TFE3: variants seen among roughly 807,000 people sequenced by gnomAD.
TFE3 encodes transcription factor binding to IGHM enhancer 3.
TFE3 carries 5 observed loss-of-function variants against 35.0 expected under a neutral mutation model. The observed-to-expected ratio is 0.14, with a 90% CI of 0.07 to 0.30. The LOEUF is 0.30. Among genes scored for constraint, TFE3 ranks in the 10% least tolerant of loss-of-function variants. TFE3 has a pLI of 1.00. For missense variants in TFE3, 374 were observed against 496.6 expected (o/e 0.75, Z 2.35); for synonymous variants, 211 against 215.6 (o/e 0.98, Z 0.18).
intron 5 of TFE3, among the ~76,000 whole-genome samples, chrX:49,035,411 TTTTTTTTTTTTTG>T (rs1203718758): frequency 2.5e-4 from 2 of 7,859 alleles, no homozygotes; most frequent in African/African-American, 3.2e-4. Flanking sequence ...TTTTTTTTTT[TTTTTTTTTTTTTG>T]GAGACGGAGT....
Position 49,029,505 on chromosome X carries a change from A to C in TFE3, c.*653T>G. ...TCCTACTGATTCTTTCACACCTGAA[A>C]TACCTGTGCTGGGCTGTTCCTATAG... On this transcript the variant is annotated 3_prime_UTR_variant, in exon 10 of 10. Transcript: ENST00000315869. 3.7e-6 allele frequency: 1 copy of C among 273,314 alleles called. No homozygotes were observed. Among genetic ancestry groups the C allele is most frequent in the Non-Finnish European group, 6.9e-6 (1 of 145,795 alleles). The allele number at this position is 273,314 out of a possible 1,213,427, so 22.5% of individuals were successfully genotyped here. A position where few individuals can be genotyped will look rare whatever the true frequency, so the allele number is the denominator to read the frequency against.
chrX:49,041,359 C>T (rs923765481), intron 1 of TFE3, among the ~76,000 whole-genome samples: 3 of 111,916 alleles, frequency 2.7e-5, no homozygotes, highest in African/African-American at 9.8e-5. Context: ...GAATGCATCA[C>T]AAAGAGAACT....
rs1557075075 is a variant in TFE3, at chrX:49,038,200, C to T, written c.777G>A (p.Lys259=). 8.3e-7 allele frequency: 1 copy of T among 1,210,579 alleles called. No homozygotes were observed. The highest frequency in any genetic ancestry group is 1.1e-6 in the Non-Finnish European group (1 of 895,396). Reference sequence around the variant, plus strand: ...AGGTTTGGCTGTAGCCTCTTACCTCCTTCTCTGAGCTGGACCCGATGGTGA... The same window carrying T: ...AGGTTTGGCTGTAGCCTCTTACCTCTTTCTCTGAGCTGGACCCGATGGTGA... ...ALLTIGSSSE[K]EIDDVIDEII... is the part of the protein sequence containing the mutation. Residue 259 remains lysine, a synonymous_variant, in exon 4 of 10, where the codon AAG becomes AAA. Transcript: ENST00000315869.
rs782256627 is a variant in TFE3 at position 49,030,446 on chromosome X, C to A, written c.1440G>T (p.Gly480=). The A allele has an allele frequency of 8.3e-7, 1 of 1,211,681 alleles. No homozygotes were observed. Among genetic ancestry groups the A allele is most frequent in the Non-Finnish European group, 1.1e-6 (1 of 895,474 alleles). The stretch of plus-strand genomic sequence containing the variant: ...GGGGAGCATTCTGGGCAGGTCCCCC[C>A]CCTACATGGAACGTTGCTGCGCCTG... The part of the protein sequence containing the change: ...GRPGAATFHV[G]GGPAQNAPHQ... Residue 480 remains glycine (G), a synonymous_variant, in exon 10 of 10, where the codon GGG becomes GGT. Coordinates refer to ENST00000315869, the MANE Select transcript of TFE3 (RefSeq NM_006521.6).
chrX:49,039,613 G>A, intron 2 of TFE3: 2 of 394,230 alleles, frequency 5.1e-6, no homozygotes, highest in Non-Finnish European at 8.4e-6. Context: ...CACACTGGAG[G>A]TCAGTCTGGT....
chrX:49,038,018 G>A lies in TFE3; in HGVS notation c.877C>T (p.Pro293Ser), dbSNP rs2147775625. ...CCATCTCAGGGCCTCACCGTGCTGGGGAGCTGCAGTCCTGTGGTGCCTCCG... is the reference window on the plus strand; with the variant it reads ...CCATCTCAGGGCCTCACCGTGCTGGAGAGCTGCAGTCCTGTGGTGCCTCCG... ...LPGGTTGLQLPSTLPVSGNLL... is the reference protein window; with the variant it reads ...LPGGTTGLQLSSTLPVSGNLL... The change falls in exon 5 of 10, where the codon CCC (proline) becomes TCC (serine). Residue 293 changes from proline to serine, a missense_variant. This residue lies in a region of TFE3 where 167 missense variants were observed against 297.2 expected (regional missense o/e 0.56). Coordinates refer to ENST00000315869, the MANE Select transcript of TFE3 (RefSeq NM_006521.6). 1 of 1,199,773 alleles carries A rather than the reference G, an allele frequency of 8.3e-7. No individual in the cohort carries two copies. Among genetic ancestry groups the A allele is most frequent in the Non-Finnish European group, 1.1e-6 (1 of 888,922 alleles).
At chrX:49,040,801 TAAG>T (rs1305508895) in intron 1 of TFE3, among the ~76,000 whole-genome samples, 3 of 101,395 alleles carry the variant, frequency 3.0e-5, no homozygotes, top group African/African-American at 1.1e-4. Context: ...GTCAGAATAA[TAAG>T]AACGCCTGCA....
intron 5 of TFE3, among the ~76,000 whole-genome samples, chrX:49,035,398 C>CTTTTTTT (rs1167944840): frequency 1.5e-5 from 1 of 64,986 alleles, no homozygotes; most frequent in Non-Finnish European, 2.5e-5. Context: ...GTTTTAATCT[C>CTTTTTTT]TTTTTTTTTT....
At chrX:49,037,043 C>A (rs2064734251) in intron 5 of TFE3, among the ~76,000 whole-genome samples, 1 of 112,067 alleles carries the variant, frequency 8.9e-6, no homozygotes, top group Non-Finnish European at 1.9e-5. Context: ...GTGGCTCACA[C>A]CTGTAATTCC....
chrX:49,033,506 C>T lies in TFE3; in HGVS notation c.1095G>A (p.Arg365=). Residue 365 remains arginine, a synonymous_variant, in exon 8 of 10, where the codon AGG becomes AGA. Coordinates refer to ENST00000315869, the MANE Select transcript of TFE3 (RefSeq NM_006521.6). ...GGATGAGAGTGCCCAGTTCCTTGATCCTGTCGTTAATGTTGAATCGCCTGC... is the reference window on the plus strand; with the variant it reads ...GGATGAGAGTGCCCAGTTCCTTGATTCTGTCGTTAATGTTGAATCGCCTGC... The part of the protein sequence containing the change: ...ERRRRFNIND[R]IKELGTLIPK... 8.3e-7 allele frequency: 1 copy of T among 1,211,801 alleles called. No individual in the cohort carries two copies. The highest frequency in any genetic ancestry group is 1.1e-6 in the Non-Finnish European group (1 of 895,546).
Position 49,031,318 on chromosome X carries a change from C to A in TFE3, c.1284+79G>T. On this transcript the variant is annotated intron_variant, in intron 9 of 9. Transcript: ENST00000315869. ...CCCCCAAGTATGCCAGGAAGGGAAACCCTGGCCTGCTCTCTCTCTGCCTCC... is the reference window on the plus strand; with the variant it reads ...CCCCCAAGTATGCCAGGAAGGGAAAACCTGGCCTGCTCTCTCTCTGCCTCC... 2.8e-6 allele frequency: 3 copies of A among 1,088,000 alleles called. No homozygotes were observed. The South Asian group carries it at 7.3e-5, about 27-fold the overall frequency. The allele number at this position is 1,088,000 out of a possible 1,213,427, so 89.7% of individuals were successfully genotyped here.
chrX:49,038,579 A>T (rs1276389125), intron 3 of TFE3, 137 bp from the exon 4 acceptor site: 2 of 789,284 alleles, frequency 2.5e-6, no homozygotes, highest in Non-Finnish European at 3.5e-6. Context: ...CCAGAATCTG[A>T]GAACACCCCA....
intron 3 of TFE3, 111 bp from the exon 4 acceptor site, chrX:49,038,553 C>A: frequency 3.1e-6 from 3 of 981,142 alleles, no homozygotes; most frequent in East Asian, 6.8e-5. Flanking sequence ...CCTAGACTCA[C>A]GCAGACAAGC....
chrX:49,042,802 C>A (rs1191307769), intron 1 of TFE3, among the ~76,000 whole-genome samples: 1 of 111,950 alleles, frequency 8.9e-6, no homozygotes, highest in African/African-American at 3.2e-5. Context: ...TAATCAGAGA[C>A]CCTGTCTACC....
chrX:49,037,893 C>G, intron 5 of TFE3, 117 bp downstream of exon 5: 1 of 646,411 alleles, frequency 1.5e-6, no homozygotes, highest in Non-Finnish European at 2.4e-6. Context: ...AGGCCTCCCT[C>G]TCTATCTTAG....
chrX:49,030,459 G>A lies in TFE3; in HGVS notation c.1427C>T (p.Thr476Met), dbSNP rs1429410408. 1.1e-5 allele frequency: 13 copies of A among 1,209,544 alleles called. No homozygotes were observed. The highest frequency in any genetic ancestry group is 5.3e-5 in the African/African-American group (3 of 57,043). The change falls in exon 10 of 10, where the codon ACG (threonine) becomes ATG (methionine). Residue 476 changes from threonine (T) to methionine (M), a missense_variant. Transcript: ENST00000315869. ...GGCAGGTCCCCCCCCTACATGGAAC[G>A]TTGCTGCGCCTGGCCTGCCCTCCTC... ...IEEEGRPGAA[T>M]FHVGGGPAQN...
Position 49,043,339 on chromosome X carries a change from G to A in TFE3, c.-113C>T. 5.2e-6 allele frequency: 3 copies of A among 580,786 alleles called. No individual in the cohort carries two copies. Among genetic ancestry groups the A allele is most frequent in the Non-Finnish European group, 7.7e-6 (3 of 388,847 alleles). The allele number at this position is 580,786 out of a possible 1,213,427, so 47.9% of individuals were successfully genotyped here. A position where few individuals can be genotyped will look rare whatever the true frequency, so the allele number is the denominator to read the frequency against. ...TCGCCACCGCCGCCTCCTCCGCTAA[G>A]CCATGGAGCTAGCACTGCGCGGGCG... On this transcript the variant is annotated 5_prime_UTR_variant, in exon 1 of 10. Transcript: ENST00000315869.
At position 49,028,876 on chromosome X, in the gene TFE3, G is replaced by A. The variant is rs192133171; in HGVS notation, c.*1282C>T. 7 of 172,415 alleles carry A rather than the reference G, an allele frequency of 4.1e-5. No homozygotes were observed. The highest frequency in any genetic ancestry group is 8.2e-5 in the East Asian group (1 of 12,221). The allele number at this position is 172,415 out of a possible 1,213,427, so 14.2% of individuals were successfully genotyped here. ...GTAGGTATGAGGGGTGGGAATGGAG[G>A]GGGGAGTGTCTCTTGATAACTCTGA... On this transcript the variant is annotated 3_prime_UTR_variant, in exon 10 of 10. Transcript: ENST00000315869.
intron 8 of TFE3, among the ~76,000 whole-genome samples, chrX:49,032,890 C>A (rs2064707513): frequency 9.0e-6 from 1 of 110,921 alleles, no homozygotes; most frequent in African/African-American, 3.3e-5. Context: ...TTGGCCTTCA[C>A]CTCCTGACCT....
Sources: allele counts gnomAD v4.1 joint callset (sites outside exome capture counted in the v4.1 genomes callset), GRCh38; gene constraint gnomAD v4.1.1; regional missense constraint gnomAD v4.1.1; transcripts MANE v1.5; gene names NCBI Gene and HGNC (gene_info 2026-07-23, HGNC 2026-07-21).